Variants in MPHOSPH9 observed in about 807,000 individuals in gnomAD.
The protein encoded by MPHOSPH9 is M-phase phosphoprotein 9.
Under a neutral mutation model 145.5 loss-of-function variants are expected in MPHOSPH9, and 88 were observed. The ratio of observed to expected loss-of-function variants is 0.60; its 90% CI spans 0.51 to 0.72. The LOEUF is 0.72. Among genes scored for constraint, MPHOSPH9 ranks in the 30% least tolerant of loss-of-function variants. The pLI is 0.00. For synonymous variants in MPHOSPH9, 435 were observed against 486.2 expected (o/e 0.89, Z 1.39); for missense variants, 1,238 against 1,386.6 (o/e 0.89, Z 1.70).
chr12:123,196,480 C>A (rs118072116), intron 12 of MPHOSPH9, among the ~76,000 whole-genome samples: 1 of 152,048 alleles, frequency 6.6e-6, no homozygotes, highest in Admixed American at 6.6e-5. Flanking sequence ...AAAAATAAAA[C>A]TTGTAAACAC....
chr12:123,243,233 C>T lies in MPHOSPH9; in HGVS notation c.-159+620G>A, dbSNP rs576798081. Among the ~76,000 whole-genome samples the T allele has an allele frequency of 8.7e-4, 127 of 146,016 alleles. 1 individual carries two copies. The highest frequency in any genetic ancestry group is 3.2e-3 in the African/African-American group (124 of 39,242). On this transcript the variant is annotated intron_variant, in intron 1 of 2. Transcript: ENST00000545406. ...ATCTTGCCAATACCATCTTTTAAAA[C>T]AATTTTTTTTTTTTTGGCTGGGCGC... is the stretch of plus-strand genomic sequence containing the variant.
intron 14 of MPHOSPH9, among the ~76,000 whole-genome samples, chr12:123,180,535 C>T (rs2045083052): frequency 6.6e-6 from 1 of 152,094 alleles, no homozygotes; most frequent in Non-Finnish European, 1.5e-5. Flanking sequence ...TAAACTCAAC[C>T]CTACCAAAAG....
intron 8 of MPHOSPH9, among the ~76,000 whole-genome samples, chr12:123,208,262 G>A (rs1434528246): frequency 7.3e-5 from 11 of 151,048 alleles, no homozygotes; most frequent in African/African-American, 1.9e-4. Flanking sequence ...CAAATTGGCC[G>A]GGCGCAGTGG....
At chr12:123,234,370 AT>A (rs920480824), upstream of MPHOSPH9, among the ~76,000 whole-genome samples, 5 of 109,490 alleles carry the variant, frequency 4.6e-5, no homozygotes, top group African/African-American at 7.2e-5. Flanking sequence ...ATACCTACCA[AT>A]TTTTTTTTAC....
intron 8 of MPHOSPH9, among the ~76,000 whole-genome samples, chr12:123,204,475 T>A (rs1490386002): frequency 6.6e-6 from 1 of 152,130 alleles, no homozygotes; most frequent in African/African-American, 2.4e-5. Flanking sequence ...AAACTAGGTG[T>A]CACAAAGTGA....
intron 12 of MPHOSPH9, 145 bp from the exon 13 acceptor site, chr12:123,194,746 C>T (rs1486503231): frequency 2.0e-5 from 11 of 560,832 alleles, no homozygotes; most frequent in African/African-American, 3.8e-5. Flanking sequence ...CTCAGCCTCC[C>T]GAGAGCTGCG....
At chr12:123,171,987 G>A (rs970961602) in intron 16 of MPHOSPH9, among the ~76,000 whole-genome samples, 5 of 152,124 alleles carry the variant, frequency 3.3e-5, no homozygotes, top group African/African-American at 9.7e-5. Context: ...TCCCATGCAC[G>A]TTTTCATACG....
Position 123,210,156 on chromosome 12 carries a change from GTC to G in MPHOSPH9, c.1092_1093del (p.Leu364PhefsTer16), listed in dbSNP as rs1175909582. 1 of 1,595,722 alleles carries G rather than the reference GTC, an allele frequency of 6.3e-7. No individual in the cohort carries two copies. Among genetic ancestry groups the G allele is most frequent in the South Asian group, 1.1e-5 (1 of 88,504 alleles). On this transcript the variant is annotated frameshift_variant, in exon 8 of 24. Coordinates refer to ENST00000606320, the MANE Select transcript of MPHOSPH9 (RefSeq NM_022782.4). LOFTEE classifies it high-confidence loss of function. ...ATCCTTTTCCTCTAGTTTCCAGTAA[GTC>G]AATCCTGATGTGCACAAACACACAG...
chr12:123,166,021 C>A (rs941886788), intron 17 of MPHOSPH9, among the ~76,000 whole-genome samples: 2 of 152,244 alleles, frequency 1.3e-5, no homozygotes, highest in Non-Finnish European at 2.9e-5. Context: ...AGCATCTGCA[C>A]AGCACCCTGG....
At chr12:123,193,141 ACACACACACG>A (rs2045786630) in intron 13 of MPHOSPH9, among the ~76,000 whole-genome samples, 1 of 148,244 alleles carries the variant, frequency 6.7e-6, no homozygotes, top group Non-Finnish European at 1.5e-5. Context: ...ACACACACAC[ACACACACACG>A]AACCACATGG....
At position 123,161,241 on chromosome 12, in the gene MPHOSPH9, C is replaced by T. The variant is rs754255555; in HGVS notation, c.3276G>A (p.Pro1092=). The change falls in exon 22 of 24, where the codon CCG becomes CCA. Residue 1092 remains proline (P), a synonymous_variant. Coordinates refer to ENST00000606320, the MANE Select transcript of MPHOSPH9 (RefSeq NM_022782.4). ...NKSVSYEQCK[P]VSVTPQGNDF... ...CATTCCCCTGTGGAGTGACTGAAAC[C>T]GGCTTACACTGTTCGTAGCTAACTG... 9.3e-6 allele frequency: 15 copies of T among 1,613,924 alleles called. 1 individual carries two copies. Among genetic ancestry groups the T allele is most frequent in the East Asian group, 8.9e-5 (4 of 44,888 alleles).
upstream of MPHOSPH9, among the ~76,000 whole-genome samples, chr12:123,237,080 G>A (rs924554678): frequency 4.0e-5 from 6 of 151,538 alleles, no homozygotes; most frequent in Non-Finnish European, 5.9e-5. Flanking sequence ...GTGAGACTCC[G>A]GCTAAAAAAA....
chr12:123,221,777 A>G lies in MPHOSPH9; in HGVS notation c.467T>C (p.Phe156Ser), dbSNP rs374542525. 46 of 1,614,038 alleles carry G rather than the reference A, an allele frequency of 2.8e-5. No homozygotes were observed. The highest frequency in any genetic ancestry group is 3.8e-5 in the Non-Finnish European group (45 of 1,180,030). ...QVSSESQMGF[F>S]SLSSERNESV... ...TTCATTTCTCTCACTGCTTAGAGAA[A>G]AAAAACCCATTTGACTTTCCGAAGA... Residue 156 changes from phenylalanine to serine, a missense_variant, in exon 5 of 24, where the codon TTT becomes TCT. Phe to Ser is a radical substitution (Grantham distance 155). Coordinates refer to ENST00000606320, the MANE Select transcript of MPHOSPH9 (RefSeq NM_022782.4).
intron 11 of MPHOSPH9, among the ~76,000 whole-genome samples, chr12:123,199,519 G>A (rs1207210683): frequency 5.9e-5 from 9 of 152,038 alleles, no homozygotes; most frequent in Admixed American, 1.3e-4. Context: ...GGTGGCTCAC[G>A]CCTGTAATCC....
chr12:123,224,890 T>C (rs773285237), intron 3 of MPHOSPH9, among the ~76,000 whole-genome samples: 1 of 152,196 alleles, frequency 6.6e-6, no homozygotes, highest in Non-Finnish European at 1.5e-5. Context: ...CATAGCTATA[T>C]TGATCTGTGT....
At chr12:123,172,118 G>A (rs1432694148) in intron 16 of MPHOSPH9, among the ~76,000 whole-genome samples, 1 of 152,080 alleles carries the variant, frequency 6.6e-6, no homozygotes, top group Non-Finnish European at 1.5e-5. Flanking sequence ...ATGTCCTTAA[G>A]ATTAATCCAC....
Position 123,202,721 on chromosome 12 carries a change from A to G in MPHOSPH9, c.1684T>C (p.Ser562Pro), listed in dbSNP as rs1415275829. ...AGCTGGGACTGACTGACTGAGGCCG[A>G]AGCAACCATGACAGTGTTTTCTTCA... ...VDEENTVMVASASVSQSQLPG... is the reference protein window; with the variant it reads ...VDEENTVMVAPASVSQSQLPG... Residue 562 changes from serine to proline, a missense_variant, in exon 10 of 24, where the codon TCG (serine) becomes CCG (proline). By Grantham distance (74) the Ser-to-Pro change is moderately conservative. Transcript: ENST00000606320. 1 of 1,614,080 alleles carries G rather than the reference A, an allele frequency of 6.2e-7. No homozygotes were observed. The highest frequency in any genetic ancestry group is 8.5e-7 in the Non-Finnish European group (1 of 1,180,034).
At chr12:123,166,488 G>A (rs1322218984) in intron 17 of MPHOSPH9, 167 bp downstream of exon 17, 3 of 794,776 alleles carry the variant, frequency 3.8e-6, no homozygotes, top group South Asian at 3.3e-5. Flanking sequence ...GCTCATGGAA[G>A]TAAAATATTC....
chr12:123,239,648 C>T (rs1280659649), intron 1 of MPHOSPH9, among the ~76,000 whole-genome samples: 2 of 152,232 alleles, frequency 1.3e-5, no homozygotes, highest in East Asian at 3.9e-4. Flanking sequence ...ATGATCTGCC[C>T]GCCTTGGCCT....
Sources: gnomAD v4.1 joint callset for allele counts (sites outside exome capture counted in the v4.1 genomes callset) on GRCh38, gnomAD v4.1.1 for gene constraint, MANE v1.5 for transcripts, NCBI Gene and HGNC (gene_info 2026-07-23, HGNC 2026-07-21) for gene names.